Variants in OSBPL9 observed in about 807,000 individuals in gnomAD.
The protein encoded by OSBPL9 is oxysterol binding protein like 9.
Under a neutral mutation model 106.6 loss-of-function variants are expected in OSBPL9, and 40 were observed. The ratio of observed to expected loss-of-function variants is 0.38; its 90% CI spans 0.29 to 0.49. The LOEUF (loss-of-function observed/expected upper bound fraction) is 0.49, where lower values mean the gene tolerates loss of function less well. Ranked by LOEUF, OSBPL9 falls within the 20% of genes least tolerant of loss-of-function variation. The probability of loss-of-function intolerance (pLI) is 0.97; values close to 1 mark genes in which losing one functional copy is unlikely to be tolerated. For synonymous variants in OSBPL9, 269 were observed against 295.4 expected (o/e 0.91, Z 0.92); for missense variants, 609 against 887.2 (o/e 0.69, Z 3.98).
the OSBPL9 span, among the ~76,000 whole-genome samples, chr1:51,535,559 A>G: frequency 6.6e-6 from 1 of 150,838 alleles, no homozygotes; most frequent in African/African-American, 2.4e-5. Flanking sequence ...ATTACTTTTT[A>G]TTTTTTTTTA....
At chr1:51,626,688 CTT>C (rs1042163990) in intron 1 of OSBPL9, among the ~76,000 whole-genome samples, 1 of 143,146 alleles carries the variant, frequency 7.0e-6, no homozygotes. Flanking sequence ...TTTTGTTTTG[CTT>C]TTTTTTTTTG....
At chr1:51,582,140 T>C (rs1403189277) in intron 1 of OSBPL9, among the ~76,000 whole-genome samples, 1 of 152,204 alleles carries the variant, frequency 6.6e-6, no homozygotes, top group Non-Finnish European at 1.5e-5. Flanking sequence ...AAGTGTATAG[T>C]TTAACGAAAT....
chr1:51,687,198 G>A (rs1653993637), intron 3 of OSBPL9, among the ~76,000 whole-genome samples: 2 of 152,166 alleles, frequency 1.3e-5, no homozygotes, highest in Non-Finnish European at 2.9e-5. Flanking sequence ...ACACACTGAG[G>A]ATGGCACAAG....
intron 2 of OSBPL9, among the ~76,000 whole-genome samples, chr1:51,656,805 G>A (rs533783347): frequency 4.0e-5 from 6 of 151,788 alleles, no homozygotes; most frequent in African/African-American, 1.5e-4. Context: ...GACTACAGGT[G>A]TGCACCACCA....
intron 18 of OSBPL9, 32 bp downstream of exon 18, chr1:51,784,057 G>A: frequency 6.5e-7 from 1 of 1,547,712 alleles, no homozygotes; most frequent in Non-Finnish European, 8.9e-7. Context: ...GGACTACAAT[G>A]TTATAGGAGA....
the OSBPL9 span, among the ~76,000 whole-genome samples, chr1:51,560,034 A>G: frequency 6.6e-6 from 1 of 152,152 alleles, no homozygotes; most frequent in Non-Finnish European, 1.5e-5. Flanking sequence ...TTGTACTCCT[A>G]TGTTGGTCTT....
chr1:51,591,035 C>T (rs1645272874), intron 1 of OSBPL9, among the ~76,000 whole-genome samples: 1 of 151,872 alleles, frequency 6.6e-6, no homozygotes, highest in Non-Finnish European at 1.5e-5. Flanking sequence ...TCTCCTGCCT[C>T]AGCCTCCCGA....
intron 1 of OSBPL9, among the ~76,000 whole-genome samples, chr1:51,637,358 C>A (rs1330831667): frequency 6.6e-6 from 1 of 152,136 alleles, no homozygotes; most frequent in East Asian, 1.9e-4. Flanking sequence ...GGCTTGGTGG[C>A]GCATGCCTTT....
At chr1:51,587,284 G>C (rs1364554232) in intron 1 of OSBPL9, among the ~76,000 whole-genome samples, 1 of 152,182 alleles carries the variant, frequency 6.6e-6, no homozygotes, top group African/African-American at 2.4e-5. Flanking sequence ...AGAATTGTTT[G>C]AACACAGAAG....
intron 9 of OSBPL9, among the ~76,000 whole-genome samples, chr1:51,759,246 T>A (rs939076829): frequency 9.2e-5 from 14 of 152,110 alleles, no homozygotes; most frequent in African/African-American, 3.4e-4. Context: ...AGTCACTTGA[T>A]CGAAAAGACC....
At chr1:51,593,903 T>TACACACACAC (rs1372803768) in intron 1 of OSBPL9, among the ~76,000 whole-genome samples, 1 of 81,682 alleles carries the variant, frequency 1.2e-5, no homozygotes, top group Non-Finnish European at 2.6e-5. Flanking sequence ...TTAATCAGAT[T>TACACACACAC]TCACACACAC....
intron 3 of OSBPL9, among the ~76,000 whole-genome samples, chr1:51,672,301 A>T (rs1650065787): frequency 6.6e-6 from 1 of 152,162 alleles, no homozygotes; most frequent in Admixed American, 6.5e-5. Flanking sequence ...GGAGATGGGG[A>T]GATAGTGAGA....
intron 3 of OSBPL9, among the ~76,000 whole-genome samples, chr1:51,699,921 G>A (rs765789059): frequency 1.1e-4 from 17 of 152,194 alleles, no homozygotes; most frequent in East Asian, 3.9e-4. Flanking sequence ...CATGTATATC[G>A]AAAACCATGA....
At chr1:51,593,201 A>G (rs143331469) in intron 1 of OSBPL9, among the ~76,000 whole-genome samples, 9 of 152,080 alleles carry the variant, frequency 5.9e-5, no homozygotes, top group Non-Finnish European at 1.0e-4. Context: ...TGAGAGAGAG[A>G]GGGAGAGAGA....
At chr1:51,740,028 A>G (rs1018159370) in intron 4 of OSBPL9, 1 of 1,279,198 alleles carries the variant, frequency 7.8e-7, no homozygotes, top group Non-Finnish European at 1.1e-6. Context: ...TCATGTACCT[A>G]CTTTTCCTCT....
chr1:51,570,928 T>C, the OSBPL9 span, among the ~76,000 whole-genome samples: 1 of 152,050 alleles, frequency 6.6e-6, no homozygotes, highest in Non-Finnish European at 1.5e-5. Flanking sequence ...TTCAAATGAT[T>C]CTCCTGCCTC....
At chr1:51,661,360 A>G (rs1051343942) in intron 2 of OSBPL9, among the ~76,000 whole-genome samples, 2 of 152,206 alleles carry the variant, frequency 1.3e-5, no homozygotes, top group Admixed American at 6.5e-5. Context: ...GAGCAAAACT[A>G]TCTGTCTGTC....
chr1:51,570,803 A>G, the OSBPL9 span, among the ~76,000 whole-genome samples: 26 of 152,120 alleles, frequency 1.7e-4, no homozygotes, highest in Admixed American at 1.6e-3. Context: ...GTAAGGGGCT[A>G]TCATTATTCG....
At chr1:51,595,125 T>C (rs1012309590) in intron 1 of OSBPL9, among the ~76,000 whole-genome samples, 4 of 152,098 alleles carry the variant, frequency 2.6e-5, no homozygotes, top group African/African-American at 9.7e-5. Flanking sequence ...GTAGTGAGAA[T>C]AATGAGGACA....
Sources: allele counts gnomAD v4.1 joint callset (sites outside exome capture counted in the v4.1 genomes callset), GRCh38; gene constraint gnomAD v4.1.1; transcripts MANE v1.5; gene names NCBI Gene and HGNC (gene_info 2026-07-23, HGNC 2026-07-21).